Variants in PRR16 observed in about 807,000 individuals in gnomAD.
PRR16 encodes proline rich 16.
Under a neutral mutation model 18.2 loss-of-function variants are expected in PRR16, and 6 were observed. That is an observed-to-expected ratio of 0.33 (90% confidence interval 0.18 to 0.65). The LOEUF is 0.65. Among genes scored for constraint, PRR16 ranks in the 30% least tolerant of loss-of-function variants. The pLI is 0.74. For missense variants in PRR16, 412 were observed against 376.6 expected (o/e 1.09, Z -0.78); for synonymous variants, 151 against 147.8 (o/e 1.02, Z -0.16).
In PRR16 at chr5:120,633,042, A is replaced by T. The variant is rs1470861898; in HGVS notation, c.160-52912A>T. Among the ~76,000 whole-genome samples, 3 of 152,222 alleles carry T rather than the reference A, an allele frequency of 2.0e-5. No individual in the cohort carries two copies. In the South Asian group the frequency reaches 6.2e-4, roughly 32 times the overall value. Reference sequence around the variant, plus strand: ...ATTTACAGCAGATTTTTCAGCAGAAACCATCAGGATAGAAGAGATTGAGGG... The same window carrying T: ...ATTTACAGCAGATTTTTCAGCAGAATCCATCAGGATAGAAGAGATTGAGGG... On this transcript the variant is annotated intron_variant, in intron 1 of 1. Transcript: ENST00000407149.
chr5:120,634,790 A>G (rs1755173095), intron 1 of PRR16, among the ~76,000 whole-genome samples: 1 of 152,152 alleles, frequency 6.6e-6, no homozygotes, highest in African/African-American at 2.4e-5. Context: ...AATTGAAGCA[A>G]CAGCAACAAC....
At chr5:120,499,080 G>A (rs1027040949) in intron 1 of PRR16, among the ~76,000 whole-genome samples, 12 of 150,850 alleles carry the variant, frequency 8.0e-5, no homozygotes, top group South Asian at 2.1e-4. Flanking sequence ...GCCAAATATG[G>A]GACATTTTCA....
At chr5:120,790,199 A>G in the PRR16 span, 3 of 152,200 alleles carry the variant, frequency 2.0e-5, no homozygotes, top group African/African-American at 7.2e-5. Context: ...CCACAGCCTT[A>G]AATCTCTTCA....
intron 1 of PRR16, among the ~76,000 whole-genome samples, chr5:120,468,044 T>C (rs1749158825): frequency 6.6e-6 from 1 of 152,158 alleles, no homozygotes; most frequent in African/African-American, 2.4e-5. Flanking sequence ...TAAAAAGACA[T>C]TGTGGCCTTT....
At chr5:120,748,798 G>T in the PRR16 span, among the ~76,000 whole-genome samples, 644 of 152,244 alleles carry the variant, frequency 4.2e-3, 2 homozygotes, top group Non-Finnish European at 6.9e-3. Context: ...AAGGCTCATT[G>T]TGGACAGACA....
At chr5:120,478,730 G>A (rs1028970503) in intron 1 of PRR16, among the ~76,000 whole-genome samples, 3 of 151,906 alleles carry the variant, frequency 2.0e-5, no homozygotes, top group Non-Finnish European at 4.4e-5. Flanking sequence ...ACTCTTTGAA[G>A]CACTTAGAAT....
chr5:120,495,967 G>A (rs1750232008), intron 1 of PRR16, among the ~76,000 whole-genome samples: 1 of 151,736 alleles, frequency 6.6e-6, no homozygotes, highest in Non-Finnish European at 1.5e-5. Context: ...TAGATGCTCT[G>A]TGTCAACTTA....
chr5:120,756,367 C>T, the PRR16 span, among the ~76,000 whole-genome samples: 1 of 152,048 alleles, frequency 6.6e-6, no homozygotes, highest in Non-Finnish European at 1.5e-5. Flanking sequence ...TTCCTCCAGA[C>T]CTCCAAACTG....
chr5:120,765,335 C>T, the PRR16 span, among the ~76,000 whole-genome samples: 1 of 151,888 alleles, frequency 6.6e-6, no homozygotes, highest in Non-Finnish European at 1.5e-5. Context: ...ATTCAAATGT[C>T]CCTTGGAAGT....
At chr5:120,527,879 T>C (rs1179218303) in intron 1 of PRR16, among the ~76,000 whole-genome samples, 1 of 152,150 alleles carries the variant, frequency 6.6e-6, no homozygotes, top group African/African-American at 2.4e-5. Context: ...GGAAGGGAAA[T>C]TGACAATAAG....
the PRR16 span, among the ~76,000 whole-genome samples, chr5:120,699,680 G>A: frequency 0.015 from 2,279 of 152,272 alleles, 18 homozygotes; most frequent in Middle Eastern, 0.048. Flanking sequence ...GCCGCTGCAC[G>A]CAGACATGAG....
chr5:120,722,505 CATT>C, the PRR16 span, among the ~76,000 whole-genome samples: 2 of 151,942 alleles, frequency 1.3e-5, no homozygotes, highest in Admixed American at 6.6e-5. Flanking sequence ...CTCTTACAGA[CATT>C]ATATCTTTCA....
At chr5:120,779,044 A>T in the PRR16 span, among the ~76,000 whole-genome samples, 1 of 152,196 alleles carries the variant, frequency 6.6e-6, no homozygotes, top group Non-Finnish European at 1.5e-5. Flanking sequence ...CCATGAAAAA[A>T]TGATGTCATT....
At chr5:120,655,114 A>G (rs1341386145) in intron 1 of PRR16, among the ~76,000 whole-genome samples, 1 of 151,904 alleles carries the variant, frequency 6.6e-6, no homozygotes, top group Non-Finnish European at 1.5e-5. Context: ...AGAAAAAGAG[A>G]AATAAAATGA....
chr5:120,486,783 T>G (rs1017189487), intron 1 of PRR16, among the ~76,000 whole-genome samples: 5 of 152,232 alleles, frequency 3.3e-5, no homozygotes, highest in Non-Finnish European at 7.3e-5. Flanking sequence ...GTTTTAGGTC[T>G]AACATGTAAG....
the PRR16 span, among the ~76,000 whole-genome samples, chr5:120,702,291 T>C: frequency 1.4e-5 from 2 of 147,952 alleles, no homozygotes; most frequent in South Asian, 4.4e-4. Flanking sequence ...AAATAAGGGA[T>C]TGGGGCGCCG....
chr5:120,479,909 T>C (rs1439420313), intron 1 of PRR16, among the ~76,000 whole-genome samples: 2 of 152,172 alleles, frequency 1.3e-5, no homozygotes, highest in Non-Finnish European at 2.9e-5. Context: ...ATAGAATAAA[T>C]TACTTTCAAT....
chr5:120,513,086 G>A (rs1218570412), intron 1 of PRR16, among the ~76,000 whole-genome samples: 1 of 152,116 alleles, frequency 6.6e-6, no homozygotes, highest in Non-Finnish European at 1.5e-5. Flanking sequence ...AGGGTAATAA[G>A]GGAGTAATAC....
intron 1 of PRR16, among the ~76,000 whole-genome samples, chr5:120,473,437 T>C (rs1315293537): frequency 1.3e-5 from 2 of 152,218 alleles, no homozygotes; most frequent in Admixed American, 1.3e-4. Context: ...CTGTGCAATA[T>C]TGAGCACATT....
Sources: allele counts gnomAD v4.1 joint callset (sites outside exome capture counted in the v4.1 genomes callset), GRCh38; gene constraint gnomAD v4.1.1; transcripts MANE v1.5; gene names NCBI Gene and HGNC (gene_info 2026-07-23, HGNC 2026-07-21).